The following MYZAP variants were observed in gnomAD, a reference collection of about 807,000 sequenced individuals.
MYZAP encodes myocardial zonula adherens protein.
A neutral mutation model predicts 69.4 loss-of-function variants in MYZAP; 66 were observed. The ratio of observed to expected loss-of-function variants is 0.95; its 90% CI spans 0.78 to 1.17. MYZAP has a LOEUF of 1.17. Among genes scored for constraint, MYZAP ranks in the 50% most tolerant of loss-of-function variants. The pLI is 0.00. For synonymous variants in MYZAP, 256 were observed against 205.9 expected, an observed-to-expected ratio of 1.24 and a Z score of -2.09; for missense variants, 611 against 556.2, an observed-to-expected ratio of 1.10 and a Z score of -0.99.
At chr15:57,604,418 C>T (rs1375978986) in intron 2 of MYZAP, 63 bp downstream of exon 2, 8 of 1,582,040 alleles carry the variant, frequency 5.1e-6, no homozygotes, top group East Asian at 2.2e-5. Flanking sequence ...ACCCACTCTC[C>T]CATCTCCTAA....
At chr15:57,595,814 T>C (rs2034021690) in intron 1 of MYZAP, among the ~76,000 whole-genome samples, 1 of 152,174 alleles carries the variant, frequency 6.6e-6, no homozygotes, top group South Asian at 2.1e-4. Context: ...TAGCCTGCCC[T>C]TGCTGATATT....
chr15:57,617,243 T>C (rs1206656246), intron 2 of MYZAP, among the ~76,000 whole-genome samples: 3 of 152,164 alleles, frequency 2.0e-5, no homozygotes, highest in Non-Finnish European at 4.4e-5. Context: ...TGCTGTGTCA[T>C]AGAGTGGTTG....
chr15:57,615,359 G>A (rs1191730625), intron 2 of MYZAP, among the ~76,000 whole-genome samples: 1 of 152,170 alleles, frequency 6.6e-6, no homozygotes, highest in Non-Finnish European at 1.5e-5. Flanking sequence ...CTCTTTCTGT[G>A]TGTACAACTT....
chr15:57,605,064 C>T (rs1041773220), intron 2 of MYZAP, among the ~76,000 whole-genome samples: 3 of 152,092 alleles, frequency 2.0e-5, no homozygotes, highest in Non-Finnish European at 4.4e-5. Flanking sequence ...AAGAGGAGGT[C>T]CTGCTGACCT....
chr15:57,673,231 C>T (rs946655889), intron 11 of MYZAP, among the ~76,000 whole-genome samples: 1 of 152,142 alleles, frequency 6.6e-6, no homozygotes, highest in Non-Finnish European at 1.5e-5. Flanking sequence ...CTAACCTTGT[C>T]TTTTAGGCCC....
At position 57,676,600 on chromosome 15, in the gene MYZAP, T is replaced by A. The variant is rs556396477; in HGVS notation, c.1304+1532T>A. 6.6e-4 allele frequency among the ~76,000 whole-genome samples: 100 copies of A among 152,148 alleles called. No homozygotes were observed. The South Asian group carries it at 0.021, about 31-fold the overall frequency. The stretch of plus-strand genomic sequence containing the variant: ...ATAATTTGGCCGTTTCCCCCCTTTT[T>A]GTATTTTTCAAAAGCCAAGTGGCCT... On this transcript the variant is annotated intron_variant, in intron 12 of 12. Coordinates refer to ENST00000267853, the MANE Select transcript of MYZAP (RefSeq NM_001018100.5).
chr15:57,594,803 A>G (rs2033948059), intron 1 of MYZAP, among the ~76,000 whole-genome samples: 1 of 152,290 alleles, frequency 6.6e-6, no homozygotes. Context: ...TTAGAAAAGC[A>G]GGAACGGGAT....
rs138223265 is a variant in MYZAP, at chr15:57,657,339, T to G, written c.1120-4111T>G. Among the ~76,000 whole-genome samples, 308 of 152,286 alleles carry G rather than the reference T, an allele frequency of 2.0e-3. 2 individuals carry two copies. Among genetic ancestry groups the G allele is most frequent in the African/African-American group, 7.2e-3 (298 of 41,580 alleles). ...ACAATCTTAATACTATAAAAAGGAA[T>G]GAAAAAGACATACCGTGAGAGTAAT... On this transcript the variant is annotated intron_variant, in intron 10 of 12. Transcript: ENST00000267853.
chr15:57,648,415 G>T (rs2037558158), intron 10 of MYZAP: 1 of 985,246 alleles, frequency 1.0e-6, no homozygotes, highest in South Asian at 4.7e-5. Context: ...ACTATGTGAG[G>T]CTGAGTAATT....
intron 2 of MYZAP, among the ~76,000 whole-genome samples, chr15:57,611,796 C>T (rs1347246011): frequency 4.6e-5 from 7 of 152,066 alleles, no homozygotes; most frequent in Non-Finnish European, 1.0e-4. Flanking sequence ...TGGCTATTCC[C>T]AGGTGCAATC....
intron 1 of MYZAP, among the ~76,000 whole-genome samples, chr15:57,593,521 G>C (rs375807519): frequency 6.6e-6 from 1 of 152,138 alleles, no homozygotes; most frequent in Non-Finnish European, 1.5e-5. Flanking sequence ...GGGATTAGTT[G>C]GGGTACCTAA....
intron 1 of MYZAP, among the ~76,000 whole-genome samples, chr15:57,595,757 C>T (rs959808753): frequency 6.6e-6 from 1 of 152,130 alleles, no homozygotes; most frequent in South Asian, 2.1e-4. Context: ...GTCACTGGCA[C>T]AGAGAAAAAA....
intron 2 of MYZAP, among the ~76,000 whole-genome samples, chr15:57,616,435 C>T (rs547915731): frequency 2.0e-5 from 3 of 152,038 alleles, no homozygotes; most frequent in Non-Finnish European, 4.4e-5. Context: ...GTCAAGAGCT[C>T]GAGACCATCC....
chr15:57,632,465 T>C lies in MYZAP; in HGVS notation c.710T>C (p.Val237Ala), dbSNP rs1470345625. The change falls in exon 7 of 13, where the codon GTG (valine) becomes GCG (alanine). Residue 237 changes from valine to alanine, a missense_variant. Transcript: ENST00000267853. ...VESSQEANAE[V>A]MREMTKKLYS... The stretch of plus-strand genomic sequence containing the variant: ...TCGTCCCAAGAAGCCAATGCTGAGG[T>C]GATGCGAGAGATGACCAAGAAGCTG... 1.2e-6 allele frequency: 2 copies of C among 1,614,094 alleles called. No individual in the cohort carries two copies. The highest frequency in any genetic ancestry group is 2.2e-5 in the South Asian group (2 of 91,066).
Position 57,684,508 on chromosome 15 carries a change from G to A in MYZAP, c.*10G>A, listed in dbSNP as rs1567247748. On this transcript the variant is annotated 3_prime_UTR_variant, in exon 13 of 13. Transcript: ENST00000267853. ...GAAAACTCTGACTTAGGCACTCAGAGGCATACACTTTTTACAGATGGACAA... is the reference window on the plus strand; with the variant it reads ...GAAAACTCTGACTTAGGCACTCAGAAGCATACACTTTTTACAGATGGACAA... The A allele has an allele frequency of 1.3e-6, 2 of 1,559,382 alleles. No individual in the cohort carries two copies. Among genetic ancestry groups the A allele is most frequent in the Non-Finnish European group, 8.8e-7 (1 of 1,136,596 alleles).
At chr15:57,633,478 C>T (rs1595890989) in intron 7 of MYZAP, 135 bp from the exon 8 acceptor site, 4 of 1,286,816 alleles carry the variant, frequency 3.1e-6, no homozygotes, top group Non-Finnish European at 4.1e-6. Flanking sequence ...AGTTCATGAT[C>T]TGTGAGACAC....
In MYZAP at chr15:57,641,877, T is replaced by C. The variant is rs567606570; in HGVS notation, c.1119+2332T>C. On this transcript the variant is annotated intron_variant, in intron 10 of 12. Coordinates refer to ENST00000267853, the MANE Select transcript of MYZAP (RefSeq NM_001018100.5). Reference sequence around the variant, plus strand: ...GCACCTTCAGAAGAGCAAGACCAGGTTGGAAAGGAGTTGAGAACCTGAGTA... The same window carrying C: ...GCACCTTCAGAAGAGCAAGACCAGGCTGGAAAGGAGTTGAGAACCTGAGTA... Among the ~76,000 whole-genome samples the C allele has an allele frequency of 2.0e-5, 3 of 151,962 alleles. No individual in the cohort carries two copies. The South Asian group carries it at 6.3e-4, about 32-fold the overall frequency.
intron 10 of MYZAP, among the ~76,000 whole-genome samples, chr15:57,651,436 C>G (rs2037721911): frequency 6.6e-6 from 1 of 152,174 alleles, no homozygotes; most frequent in African/African-American, 2.4e-5. Flanking sequence ...ATTAGGGCCC[C>G]AGCAGATCCT....
intron 2 of MYZAP, among the ~76,000 whole-genome samples, chr15:57,609,313 G>C (rs756717932): frequency 1.3e-5 from 2 of 152,224 alleles, no homozygotes; most frequent in African/African-American, 2.4e-5. Flanking sequence ...AAAGTATTCT[G>C]TCACGGTTCT....
Sources: gnomAD v4.1 joint callset for allele counts (sites outside exome capture counted in the v4.1 genomes callset) on GRCh38, gnomAD v4.1.1 for gene constraint, MANE v1.5 for transcripts, NCBI Gene and HGNC (gene_info 2026-07-23, HGNC 2026-07-21) for gene names.